PTPRD: variants seen among roughly 807,000 people sequenced by gnomAD.
PTPRD encodes protein tyrosine phosphatase receptor type D.
PTPRD carries 34 observed loss-of-function variants against 214.5 expected under a neutral mutation model. The observed-to-expected ratio is 0.16, with a 90% confidence interval of 0.12 to 0.21. The LOEUF (loss-of-function observed/expected upper bound fraction) is 0.21. PTPRD is among the 10% of genes least tolerant of loss of function. The pLI, the probability that PTPRD is intolerant of heterozygous loss-of-function variation, is 1.00. For missense variants in PTPRD, 2,545 were observed against 2,398.7 expected (o/e 1.06, Z -1.27); for synonymous variants, 1,128 against 845.7 (o/e 1.33, Z -5.79).
At chr9:10,164,363 C>G (rs576061316) in intron 3 of PTPRD, among the ~76,000 whole-genome samples, 1 of 151,430 alleles carries the variant, frequency 6.6e-6, no homozygotes, top group South Asian at 2.1e-4. Flanking sequence ...CTGAATTGAA[C>G]TGTTTCTAGT....
At chr9:9,833,850 C>G (rs1309541475) in intron 5 of PTPRD, among the ~76,000 whole-genome samples, 1 of 152,038 alleles carries the variant, frequency 6.6e-6, no homozygotes, top group Non-Finnish European at 1.5e-5. Context: ...GGTTATGTCT[C>G]TTATTCCCTG....
At chr9:9,580,405 T>A (rs1245575788) in intron 7 of PTPRD, among the ~76,000 whole-genome samples, 1 of 152,112 alleles carries the variant, frequency 6.6e-6, no homozygotes, top group Non-Finnish European at 1.5e-5. Context: ...TTCTGATTGA[T>A]GTAAGATGAT....
chr9:10,057,894 A>G (rs1271158918), intron 3 of PTPRD, among the ~76,000 whole-genome samples: 1 of 151,728 alleles, frequency 6.6e-6, no homozygotes, highest in African/African-American at 2.4e-5. Flanking sequence ...ATAATTCAGG[A>G]CTTGAAGAAG....
chr9:10,364,016 T>TTTTTTTTTTTTTTTTTTTG (rs2097458281), intron 2 of PTPRD, among the ~76,000 whole-genome samples: 1 of 142,954 alleles, frequency 7.0e-6, no homozygotes, highest in African/African-American at 2.7e-5. Flanking sequence ...TTTTTTTTTT[T>TTTTTTTTTTTTTTTTTTTG]TGAGATGGAG....
chr9:9,771,453 T>C (rs951485617), intron 5 of PTPRD, among the ~76,000 whole-genome samples: 2 of 152,220 alleles, frequency 1.3e-5, no homozygotes, highest in Admixed American at 6.5e-5. Context: ...ATGTCACACA[T>C]GACAAGTTTA....
chr9:8,748,538 A>G (rs1286155551), intron 11 of PTPRD, among the ~76,000 whole-genome samples: 10 of 117,154 alleles, frequency 8.5e-5, no homozygotes, highest in Non-Finnish European at 1.5e-4. Context: ...AAAAAAAAAA[A>G]AAGAAAAAGA....
At chr9:8,552,928 T>C (rs927500231) in intron 14 of PTPRD, among the ~76,000 whole-genome samples, 1 of 152,170 alleles carries the variant, frequency 6.6e-6, no homozygotes, top group African/African-American at 2.4e-5. Context: ...CCTCTGTTGC[T>C]AGAGCCAATA....
chr9:10,275,539 G>C lies in PTPRD; in HGVS notation c.-545+65424C>G, dbSNP rs139732912. Among the ~76,000 whole-genome samples the C allele has an allele frequency of 5.1e-3, 781 of 152,212 alleles. 3 individuals are homozygous for C. Among genetic ancestry groups the C allele is most frequent in the Non-Finnish European group, 6.2e-3 (423 of 68,006 alleles). ...ATAACTGGTATTATAATCAGGTGTTGATCATAGATAGTGTTATATTTAGTA... is the reference window on the plus strand; with the variant it reads ...ATAACTGGTATTATAATCAGGTGTTCATCATAGATAGTGTTATATTTAGTA... On this transcript the variant is annotated intron_variant, in intron 3 of 45. Coordinates refer to ENST00000381196, the MANE Select transcript of PTPRD (RefSeq NM_002839.4).
intron 3 of PTPRD, among the ~76,000 whole-genome samples, chr9:10,066,657 C>T (rs886147405): frequency 1.3e-5 from 2 of 151,848 alleles, no homozygotes; most frequent in African/African-American, 4.8e-5. Flanking sequence ...TAAACTTCTT[C>T]AATGCAATAT....
At chr9:10,570,907 T>C (rs2067224129) in intron 2 of PTPRD, among the ~76,000 whole-genome samples, 1 of 151,524 alleles carries the variant, frequency 6.6e-6, no homozygotes, top group Non-Finnish European at 1.5e-5. Flanking sequence ...ACAGGGTTAC[T>C]ATTCTTTCCA....
intron 4 of PTPRD, among the ~76,000 whole-genome samples, chr9:9,992,640 G>A (rs554911872): frequency 6.6e-6 from 1 of 152,206 alleles, no homozygotes; most frequent in Non-Finnish European, 1.5e-5. Context: ...ATGAGTTCAT[G>A]TCCTTTGTAG....
At chr9:9,448,006 C>T (rs1215262005) in intron 8 of PTPRD, among the ~76,000 whole-genome samples, 7 of 151,926 alleles carry the variant, frequency 4.6e-5, no homozygotes, top group Non-Finnish European at 1.0e-4. Flanking sequence ...TACTATTGAA[C>T]GGTTCTGAAA....
At chr9:9,040,128 C>G (rs2099634917) in intron 10 of PTPRD, among the ~76,000 whole-genome samples, 1 of 152,140 alleles carries the variant, frequency 6.6e-6, no homozygotes, top group Non-Finnish European at 1.5e-5. Context: ...GCCATTTAAT[C>G]TTTACAAGCC....
chr9:9,063,605 A>G (rs908656127), intron 10 of PTPRD, among the ~76,000 whole-genome samples: 3 of 152,216 alleles, frequency 2.0e-5, no homozygotes, highest in Admixed American at 6.5e-5. Flanking sequence ...CTGAATTCTT[A>G]GCATCCAGAA....
chr9:9,915,745 T>C (rs2153836414), intron 5 of PTPRD, among the ~76,000 whole-genome samples: 1 of 151,906 alleles, frequency 6.6e-6, no homozygotes, highest in South Asian at 2.1e-4. Context: ...GGGAGATCAT[T>C]AAGTGAACAA....
intron 11 of PTPRD, among the ~76,000 whole-genome samples, chr9:8,749,793 T>C (rs768203903): frequency 7.1e-4 from 108 of 152,224 alleles, no homozygotes; most frequent in Admixed American, 9.2e-4. Flanking sequence ...AAGAGACTTA[T>C]AATAAACGTA....
intron 9 of PTPRD, among the ~76,000 whole-genome samples, chr9:9,204,313 C>A (rs10977569): frequency 6.6e-6 from 1 of 152,288 alleles, no homozygotes; most frequent in East Asian, 1.9e-4. Context: ...GCAAACAGGT[C>A]TCTTTATATA....
chr9:9,709,618 A>G (rs2097689237), intron 7 of PTPRD, among the ~76,000 whole-genome samples: 1 of 152,054 alleles, frequency 6.6e-6, no homozygotes, highest in African/African-American at 2.4e-5. Context: ...TAAGTAGTAC[A>G]TTTCACATTC....
intron 9 of PTPRD, among the ~76,000 whole-genome samples, chr9:9,294,615 C>G (rs1952369917): frequency 6.6e-6 from 1 of 151,616 alleles, no homozygotes; most frequent in Non-Finnish European, 1.5e-5. Flanking sequence ...TGTCTGTGCA[C>G]AAAGAAGAGG....
Sources: allele counts gnomAD v4.1 joint callset (sites outside exome capture counted in the v4.1 genomes callset), GRCh38; gene constraint gnomAD v4.1.1; transcripts MANE v1.5; gene names NCBI Gene and HGNC (gene_info 2026-07-23, HGNC 2026-07-21).